LARS1: variants seen among roughly 807,000 people sequenced by gnomAD.
LARS1 encodes leucine--tRNA ligase, cytoplasmic.
In LARS1, 100 loss-of-function variants were observed where a neutral mutation model predicts 162.8. That is an observed-to-expected ratio of 0.61 (90% CI 0.52 to 0.73). LARS1 has a LOEUF of 0.73. Among genes scored for constraint, LARS1 ranks in the 30% least tolerant of loss-of-function variants. LARS1 has a pLI of 0.00. For synonymous variants in LARS1, 457 were observed against 462.8 expected, an observed-to-expected ratio of 0.99 and a Z score of 0.16; for missense variants, 1,258 against 1,408.9, an observed-to-expected ratio of 0.89 and a Z score of 1.71.
chr5:146,162,169 G>T (rs1369012395), intron 6 of LARS1, among the ~76,000 whole-genome samples: 9 of 152,186 alleles, frequency 5.9e-5, no homozygotes, highest in African/African-American at 1.9e-4. Context: ...CTAGAACAAT[G>T]AATCCTTTCC....
At chr5:146,160,317 T>G in intron 7 of LARS1, 57 bp downstream of exon 7, 9 of 950,070 alleles carry the variant, frequency 9.5e-6, no homozygotes, top group Non-Finnish European at 1.4e-5. Context: ...ATTACAGGCG[T>G]GAGCCTCTGT....
intron 1 of LARS1, among the ~76,000 whole-genome samples, chr5:146,179,886 A>C (rs1419278806): frequency 6.6e-6 from 1 of 152,230 alleles, no homozygotes; most frequent in Admixed American, 6.6e-5. Context: ...TACAGGCTTG[A>C]GCCATCGCCT....
At chr5:146,124,231 C>A (rs945759208) in intron 28 of LARS1, 145 bp from the exon 29 acceptor site, 1 of 545,778 alleles carries the variant, frequency 1.8e-6, no homozygotes. Context: ...CTCATGATTT[C>A]CTTTACCTAC....
At chr5:146,137,552 C>T (rs939555522) in intron 21 of LARS1, among the ~76,000 whole-genome samples, 7 of 152,160 alleles carry the variant, frequency 4.6e-5, no homozygotes, top group Non-Finnish European at 8.8e-5. Flanking sequence ...GAGAGGACTA[C>T]TATACTGCTT....
intron 28 of LARS1, among the ~76,000 whole-genome samples, chr5:146,124,783 T>C (rs893048825): frequency 6.6e-6 from 1 of 151,946 alleles, no homozygotes; most frequent in African/African-American, 2.4e-5. Flanking sequence ...TTTCGCTTAC[T>C]ATGCAAGTTC....
chr5:146,138,055 G>C (rs561778799), intron 21 of LARS1: 1 of 152,288 alleles, frequency 6.6e-6, no homozygotes, highest in African/African-American at 2.4e-5. Context: ...GGAAGGTGGA[G>C]GTTGCAGCGA....
chr5:146,177,037 A>T (rs368979748), intron 2 of LARS1, among the ~76,000 whole-genome samples: 2 of 152,178 alleles, frequency 1.3e-5, no homozygotes, highest in Non-Finnish European at 2.9e-5. Context: ...TACAAACCCC[A>T]TAAGAAAAAA....
At chr5:146,132,736 T>C in intron 23 of LARS1, 162 bp downstream of exon 23, 1 of 523,742 alleles carries the variant, frequency 1.9e-6, no homozygotes, top group East Asian at 3.0e-5. Flanking sequence ...ACAAAATACT[T>C]AGCATAGTAC....
intron 31 of LARS1, among the ~76,000 whole-genome samples, chr5:146,115,888 C>T (rs1257213191): frequency 6.6e-6 from 1 of 152,176 alleles, no homozygotes; most frequent in Non-Finnish European, 1.5e-5. Flanking sequence ...GCTACCCTCC[C>T]TCATGTTGAC....
intron 21 of LARS1, among the ~76,000 whole-genome samples, chr5:146,136,716 G>A (rs1011004967): frequency 5.9e-5 from 9 of 151,686 alleles, no homozygotes; most frequent in East Asian, 1.9e-4. Flanking sequence ...TCCTGACCTC[G>A]TGATCTGCCC....
intron 30 of LARS1, among the ~76,000 whole-genome samples, chr5:146,121,037 A>T (rs937319651): frequency 6.6e-6 from 1 of 152,204 alleles, no homozygotes; most frequent in Non-Finnish European, 1.5e-5. Flanking sequence ...CTTGTGAAAG[A>T]CTTAAATACA....
At chr5:146,150,838 C>G (rs1166339335) in intron 14 of LARS1, among the ~76,000 whole-genome samples, 1 of 151,684 alleles carries the variant, frequency 6.6e-6, no homozygotes, top group Non-Finnish European at 1.5e-5. Flanking sequence ...ACTCAGGAGT[C>G]TGAGGCAGGA....
chr5:146,152,858 TC>T (rs536357408), intron 13 of LARS1, among the ~76,000 whole-genome samples: 66 of 152,332 alleles, frequency 4.3e-4, no homozygotes, highest in African/African-American at 1.6e-3. Flanking sequence ...ATATAAACAT[TC>T]ATGAAAAGGG....
chr5:146,142,196 G>T (rs1016459389), intron 20 of LARS1, among the ~76,000 whole-genome samples: 1 of 152,078 alleles, frequency 6.6e-6, no homozygotes, highest in Admixed American at 6.6e-5. Flanking sequence ...GCTGAGACAG[G>T]AGAATTGCTT....
chr5:146,144,991 A>G (rs896747843), intron 15 of LARS1, among the ~76,000 whole-genome samples: 3 of 152,176 alleles, frequency 2.0e-5, no homozygotes, highest in Non-Finnish European at 2.9e-5. Flanking sequence ...AGGAAAAAAA[A>G]ACACAAAAGA....
intron 2 of LARS1, among the ~76,000 whole-genome samples, chr5:146,174,338 G>C (rs1171817818): frequency 1.3e-5 from 2 of 148,932 alleles, no homozygotes; most frequent in South Asian, 4.2e-4. Flanking sequence ...CCAGCTACAG[G>C]GGAGGCTGAG....
At chr5:146,134,288 TGTGAGGCAGA>T (rs1752416483) in intron 22 of LARS1, among the ~76,000 whole-genome samples, 1 of 152,264 alleles carries the variant, frequency 6.6e-6, no homozygotes, top group Admixed American at 6.5e-5. Flanking sequence ...TAGTGAGCTC[TGTGAGGCAGA>T]GGTTCTCATT....
chr5:146,127,249 C>A (rs1752085221), intron 27 of LARS1, among the ~76,000 whole-genome samples: 1 of 151,926 alleles, frequency 6.6e-6, no homozygotes, highest in Non-Finnish European at 1.5e-5. Context: ...ATTTTCAATT[C>A]TAACTTTTAC....
chr5:146,177,504 AT>A, intron 2 of LARS1, 42 bp downstream of exon 2: 6 of 359,788 alleles, frequency 1.7e-5, no homozygotes, highest in South Asian at 3.9e-5. Flanking sequence ...ATATATATAT[AT>A]ATAGAAATAC....
Sources: gnomAD v4.1 joint callset for allele counts (sites outside exome capture counted in the v4.1 genomes callset) on GRCh38, gnomAD v4.1.1 for gene constraint, MANE v1.5 for transcripts, NCBI Gene and HGNC (gene_info 2026-07-23, HGNC 2026-07-21) for gene names.